LINGO2: variants seen among roughly 807,000 people sequenced by gnomAD.
LINGO2 encodes leucine-rich repeat and immunoglobulin-like domain-containing nogo receptor-interacting protein 2.
In LINGO2, 14 loss-of-function variants were observed where a neutral mutation model predicts 30.6. The ratio of observed to expected loss-of-function variants is 0.46; its 90% CI spans 0.30 to 0.72. The LOEUF is 0.72. Among genes scored for constraint, LINGO2 ranks in the 30% least tolerant of loss-of-function variants. The pLI is 0.07. For missense variants in LINGO2, 729 were observed against 751.7 expected (o/e 0.97, Z 0.35); for synonymous variants, 317 against 288.5 (o/e 1.10, Z -1.00).
chr9:28,074,814 AGTTTT>A (rs1440770507), intron 4 of LINGO2, among the ~76,000 whole-genome samples: 2 of 152,210 alleles, frequency 1.3e-5, no homozygotes, highest in East Asian at 3.9e-4. Flanking sequence ...ATAATGCATT[AGTTTT>A]ATTTTGATGG....
the LINGO2 span, among the ~76,000 whole-genome samples, chr9:28,706,459 C>G: frequency 6.6e-6 from 1 of 152,060 alleles, no homozygotes; most frequent in Non-Finnish European, 1.5e-5. Context: ...TAGGATTAGT[C>G]TATTAAAGAT....
intron 1 of LINGO2, among the ~76,000 whole-genome samples, chr9:28,544,638 T>C (rs944487051): frequency 1.7e-5 from 2 of 116,444 alleles, no homozygotes; most frequent in African/African-American, 5.3e-5. Context: ...TCAGAAGCTG[T>C]TACAACAAGA....
intron 1 of LINGO2, among the ~76,000 whole-genome samples, chr9:28,526,841 T>C (rs1407379103): frequency 6.6e-6 from 1 of 152,224 alleles, no homozygotes; most frequent in Non-Finnish European, 1.5e-5. Flanking sequence ...TATTACTGTA[T>C]TTCATAAATG....
intron 2 of LINGO2, among the ~76,000 whole-genome samples, chr9:28,377,327 TTAGAG>T (rs1821168037): frequency 6.6e-6 from 1 of 152,154 alleles, no homozygotes; most frequent in East Asian, 1.9e-4. Context: ...CCAGTTTTAC[TTAGAG>T]TAAATATATT....
At chr9:28,637,777 T>A (rs1412620778) in intron 1 of LINGO2, among the ~76,000 whole-genome samples, 1 of 152,156 alleles carries the variant, frequency 6.6e-6, no homozygotes, top group African/African-American at 2.4e-5. Context: ...ACAGGGACAA[T>A]TTGACTTCCT....
chr9:28,308,034 C>A (rs1337574826), intron 3 of LINGO2, among the ~76,000 whole-genome samples: 1 of 149,924 alleles, frequency 6.7e-6, no homozygotes, highest in Admixed American at 6.7e-5. Context: ...CAATGCCATC[C>A]CCATCAAGCT....
chr9:28,001,786 G>T (rs933796292), intron 5 of LINGO2, among the ~76,000 whole-genome samples: 2 of 152,114 alleles, frequency 1.3e-5, no homozygotes, highest in African/African-American at 4.8e-5. Flanking sequence ...GTTTACAAGA[G>T]GCTTACAATC....
chr9:28,170,158 T>C (rs1002611924), intron 4 of LINGO2, among the ~76,000 whole-genome samples: 2 of 152,202 alleles, frequency 1.3e-5, no homozygotes, highest in Admixed American at 6.5e-5. Context: ...TGAATGAATG[T>C]TTGAATAAAT....
intron 4 of LINGO2, among the ~76,000 whole-genome samples, chr9:28,185,959 A>G (rs371332403): frequency 6.6e-6 from 1 of 152,274 alleles, no homozygotes; most frequent in South Asian, 2.1e-4. Context: ...TCACTAAAAA[A>G]TCTTGTCTAG....
rs528753551 is a variant in LINGO2 at position 28,603,805 on chromosome 9, G to A, written c.-365+66395C>T. ...TTTATTCTTTGGCATAGTTCCTAGTGTTTTTGATGTAACCCAGCAATATCT... is the reference window on the plus strand; with the variant it reads ...TTTATTCTTTGGCATAGTTCCTAGTATTTTTGATGTAACCCAGCAATATCT... On this transcript the variant is annotated intron_variant, in intron 1 of 5. Transcript: ENST00000379992. Among the ~76,000 whole-genome samples the A allele has an allele frequency of 2.6e-4, 40 of 152,124 alleles. 1 individual carries two copies. Among genetic ancestry groups the A allele is most frequent in the Non-Finnish European group, 4.3e-4 (29 of 67,944 alleles).
At chr9:28,944,177 G>A in the LINGO2 span, among the ~76,000 whole-genome samples, 3 of 152,218 alleles carry the variant, frequency 2.0e-5, no homozygotes, top group East Asian at 5.8e-4. Context: ...GGCTCACCAC[G>A]ACATCTCATT....
the LINGO2 span, among the ~76,000 whole-genome samples, chr9:28,754,118 C>A: frequency 1.3e-5 from 2 of 151,742 alleles, no homozygotes; most frequent in African/African-American, 4.9e-5. Context: ...CCCAAGTATA[C>A]TAACAGACTA....
intron 4 of LINGO2, among the ~76,000 whole-genome samples, chr9:28,246,066 C>G (rs184062410): frequency 6.6e-6 from 1 of 152,184 alleles, no homozygotes; most frequent in East Asian, 1.9e-4. Context: ...CTACAGTAAC[C>G]AAAACACTAT....
At chr9:28,610,538 A>G (rs1825871690) in intron 1 of LINGO2, among the ~76,000 whole-genome samples, 1 of 152,164 alleles carries the variant, frequency 6.6e-6, no homozygotes, top group Admixed American at 6.5e-5. Flanking sequence ...AGAAAAAACT[A>G]GGTATGCCCT....
At chr9:29,001,520 T>G in the LINGO2 span, among the ~76,000 whole-genome samples, 2 of 151,974 alleles carry the variant, frequency 1.3e-5, no homozygotes, top group Non-Finnish European at 1.5e-5. Context: ...GATTTAATAT[T>G]TCACAAGATC....
chr9:28,862,926 AT>A, the LINGO2 span, among the ~76,000 whole-genome samples: 1 of 152,114 alleles, frequency 6.6e-6, no homozygotes, highest in Non-Finnish European at 1.5e-5. Context: ...ACAAAGTTCC[AT>A]TTATTTTAAT....
At chr9:28,905,421 A>G in the LINGO2 span, among the ~76,000 whole-genome samples, 23,370 of 151,890 alleles carry the variant, frequency 0.15, 1,844 homozygotes, top group South Asian at 0.2. Flanking sequence ...CATTCAAAAT[A>G]TATCCAAACT....
At chr9:28,746,334 C>G in the LINGO2 span, among the ~76,000 whole-genome samples, 2 of 152,018 alleles carry the variant, frequency 1.3e-5, no homozygotes, top group East Asian at 3.9e-4. Context: ...ACTTGACACG[C>G]TATATAAAGT....
At chr9:29,063,429 T>C in the LINGO2 span, among the ~76,000 whole-genome samples, 1 of 150,742 alleles carries the variant, frequency 6.6e-6, no homozygotes, top group African/African-American at 2.4e-5. Flanking sequence ...TTTGACAGAA[T>C]CTCGCTATTG....
Sources: allele counts gnomAD v4.1 joint callset (sites outside exome capture counted in the v4.1 genomes callset), GRCh38; gene constraint gnomAD v4.1.1; transcripts MANE v1.5; gene names NCBI Gene and HGNC (gene_info 2026-07-23, HGNC 2026-07-21).